PCDHGB2: variants seen among roughly 807,000 people sequenced by gnomAD.
PCDHGB2 encodes the protein protocadherin gamma subfamily B, 2, also known as protocadherin gamma-B2.
In PCDHGB2, 55 loss-of-function variants were observed where a neutral mutation model predicts 59.3. The ratio of observed to expected loss-of-function variants is 0.93; its 90% CI spans 0.75 to 1.16. PCDHGB2 has a LOEUF of 1.16. PCDHGB2 is among the 50% of genes most tolerant of loss of function. The pLI, the probability that PCDHGB2 is intolerant of heterozygous loss-of-function variation, is 0.00. For missense variants in PCDHGB2, 1,228 were observed against 1,198.5 expected (o/e 1.02, Z -0.36); for synonymous variants, 516 against 512.0 (o/e 1.01, Z -0.11).
At position 141,421,262 on chromosome 5, in the gene PCDHGB2, G is replaced by GGCT. The variant is rs748368476; in HGVS notation, c.2421+58720_2421+58722dup. 2.6e-5 allele frequency: 42 copies of GGCT among 1,609,594 alleles called. No homozygotes were observed. The Admixed American group carries it at 3.2e-4, about 12-fold the overall frequency. On this transcript the variant is annotated intron_variant, in intron 1 of 3. Coordinates refer to ENST00000522605, the MANE Select transcript of PCDHGB2 (RefSeq NM_018923.3). ...CGGCTACAGCGCGGGGACCGCAGTC[G>GGCT]GCTGCTGCTGCTGCTGTGCATTTTC...
Position 141,485,563 on chromosome 5 carries a change from C to T in PCDHGB2, c.2422-9244C>T, listed in dbSNP as rs746689576. The T allele has an allele frequency of 1.2e-5, 19 of 1,612,904 alleles. No homozygotes were observed. In the South Asian group the frequency reaches 1.6e-4, roughly 14 times the overall value. ...AGATCGTAGATGTGAATGATCACGCCCCCCGTTTTCCGCGGCAGCAGCTGG... is the reference window on the plus strand; with the variant it reads ...AGATCGTAGATGTGAATGATCACGCTCCCCGTTTTCCGCGGCAGCAGCTGG... On this transcript the variant is annotated intron_variant, in intron 1 of 3. Coordinates refer to ENST00000522605, the MANE Select transcript of PCDHGB2 (RefSeq NM_018923.3). This position sits in a 1 kb window ranked among gnomAD's most constrained non-coding sequence, Gnocchi z 5.7.
At chr5:141,404,107 T>C in intron 1 of PCDHGB2, 1 of 1,613,552 alleles carries the variant, frequency 6.2e-7, no homozygotes, top group Non-Finnish European at 8.5e-7. Flanking sequence ...TTGTCTGTTC[T>C]ATCCAGGAGA....
intron 1 of PCDHGB2, among the ~76,000 whole-genome samples, chr5:141,407,377 C>A (rs1436703926): frequency 6.6e-6 from 1 of 152,170 alleles, no homozygotes; most frequent in Non-Finnish European, 1.5e-5. Context: ...TCCATGAAGG[C>A]TTGTATGTCA....
intron 1 of PCDHGB2, among the ~76,000 whole-genome samples, chr5:141,405,668 G>A (rs1468042334): frequency 6.6e-6 from 1 of 152,100 alleles, no homozygotes; most frequent in Non-Finnish European, 1.5e-5. Context: ...AGTAGAGACG[G>A]GGTGTCACCA....
chr5:141,394,022 A>G (rs1210359800), intron 1 of PCDHGB2: 1 of 1,613,552 alleles, frequency 6.2e-7, no homozygotes, highest in South Asian at 1.1e-5. Flanking sequence ...ATTATTATAG[A>G]TTAGTGACAA....
At chr5:141,499,127 A>G (rs1198571084) in intron 2 of PCDHGB2, among the ~76,000 whole-genome samples, 1 of 152,134 alleles carries the variant, frequency 6.6e-6, no homozygotes, top group Non-Finnish European at 1.5e-5. Flanking sequence ...TTCTCAGGTC[A>G]TCCTTTGGGT....
At chr5:141,389,513 C>G (rs749432491) in intron 1 of PCDHGB2, 2 of 1,613,038 alleles carry the variant, frequency 1.2e-6, no homozygotes, top group African/African-American at 1.3e-5. Flanking sequence ...TCAGCGCGAA[C>G]GTGAGCCTGC....
intron 1 of PCDHGB2, among the ~76,000 whole-genome samples, chr5:141,438,625 TATATATATATACACACAC>T (rs1351180774): frequency 3.0e-4 from 14 of 46,412 alleles, no homozygotes; most frequent in Middle Eastern, 8.3e-3. Context: ...TATATATATA[TATATATATATACACACAC>T]ACACACACAT....
intron 1 of PCDHGB2, among the ~76,000 whole-genome samples, chr5:141,469,392 T>C (rs2099199760): frequency 6.6e-6 from 1 of 152,046 alleles, no homozygotes; most frequent in South Asian, 2.1e-4. Flanking sequence ...CTGGCCAACA[T>C]GGTGAAACCC....
chr5:141,376,095 T>A, intron 1 of PCDHGB2: 10 of 1,613,628 alleles, frequency 6.2e-6, no homozygotes, highest in Non-Finnish European at 8.5e-6. Flanking sequence ...ATCCCCGACA[T>A]CCTGGCCGAC....
intron 1 of PCDHGB2, chr5:141,394,240 C>G (rs1392586422): frequency 6.2e-7 from 1 of 1,613,822 alleles, no homozygotes; most frequent in African/African-American, 1.3e-5. Flanking sequence ...TCCTTGACTG[C>G]ACACGACCCC....
chr5:141,415,400 C>G (rs754292889), intron 1 of PCDHGB2: 3 of 1,614,110 alleles, frequency 1.9e-6, no homozygotes, highest in Non-Finnish European at 2.5e-6. Context: ...GTGTCCGGCT[C>G]GCACTTTGTG....
rs140609729 is a variant in PCDHGB2 at position 141,372,233 on chromosome 5, G to A, written c.2421+9677G>A. On this transcript the variant is annotated intron_variant, in intron 1 of 3. Coordinates refer to ENST00000522605, the MANE Select transcript of PCDHGB2 (RefSeq NM_018923.3). ...CCTACCACATTGTGCAGGCCAGCGA[G>A]CCCGGGCTGTTCAGCCTGGGCCTGC... 2,947 of 1,613,368 alleles carry A rather than the reference G, an allele frequency of 1.8e-3. 7 individuals carry two copies. The highest frequency in any genetic ancestry group is 2.3e-3 in the Non-Finnish European group (2,745 of 1,179,836).
In PCDHGB2 at chr5:141,477,073, G is replaced by A. The variant is rs755445666; in HGVS notation, c.2422-17734G>A. The A allele has an allele frequency of 1.2e-6, 2 of 1,614,264 alleles. No homozygotes were observed. The highest frequency in any genetic ancestry group is 2.2e-5 in the East Asian group (1 of 44,882). On this transcript the variant is annotated intron_variant, in intron 1 of 3. Coordinates refer to ENST00000522605, the MANE Select transcript of PCDHGB2 (RefSeq NM_018923.3). This position sits in a 1 kb window ranked among gnomAD's most constrained non-coding sequence, Gnocchi z 4.9. ...ACTTCGAGGACACCAAACTCCATGA[G>A]ATTTACATCCAGGCCAAAGACAAGG...
At position 141,459,716 on chromosome 5, in the gene PCDHGB2, C is replaced by T. The variant is rs1592633942; in HGVS notation, c.2422-35091C>T. On this transcript the variant is annotated intron_variant, in intron 1 of 3. Coordinates refer to ENST00000522605, the MANE Select transcript of PCDHGB2 (RefSeq NM_018923.3). ...CGCTTGCTACATTTTCTCACCAATG[C>T]TTCCTATTGTCAATTTTTTAAATTT... is the stretch of plus-strand genomic sequence containing the variant. Among the ~76,000 whole-genome samples the T allele has an allele frequency of 2.0e-5, 3 of 152,334 alleles. No homozygotes were observed. In the South Asian group the frequency reaches 6.2e-4, roughly 32 times the overall value.
At chr5:141,400,059 T>C (rs2093953035) in intron 1 of PCDHGB2, 2 of 1,613,750 alleles carry the variant, frequency 1.2e-6, no homozygotes, top group South Asian at 2.2e-5. Context: ...CTGTGCGTGA[T>C]GGTGGACAGC....
At position 141,490,502 on chromosome 5, in the gene PCDHGB2, T is replaced by C. The variant is rs1408615048; in HGVS notation, c.2422-4305T>C. On this transcript the variant is annotated intron_variant, in intron 1 of 3. Transcript: ENST00000522605. The surrounding 1 kb of genome is among the most constrained non-coding windows in gnomAD (Gnocchi z 5.4). Reference sequence around the variant, plus strand: ...GACCGGGAGGCCACATCCCACTATATCATCGAGCTGCTGGCCAGCGATGCT... The same window carrying C: ...GACCGGGAGGCCACATCCCACTATACCATCGAGCTGCTGGCCAGCGATGCT... 1.2e-6 allele frequency: 2 copies of C among 1,614,094 alleles called. No individual in the cohort carries two copies. The highest frequency in any genetic ancestry group is 1.1e-5 in the South Asian group (1 of 91,076).
In PCDHGB2 at chr5:141,490,081, T is replaced by A; in HGVS notation, c.2422-4726T>A. Reference sequence around the variant, plus strand: ...CACCAACGGCCAACTAGACTATTCTTTTGGAGACCACACATCTGAGGCAGT... The same window carrying A: ...CACCAACGGCCAACTAGACTATTCTATTGGAGACCACACATCTGAGGCAGT... On this transcript the variant is annotated intron_variant, in intron 1 of 3. Coordinates refer to ENST00000522605, the MANE Select transcript of PCDHGB2 (RefSeq NM_018923.3). The surrounding 1 kb of genome is among the most constrained non-coding windows in gnomAD (Gnocchi z 5.4). 3 of 1,614,216 alleles carry A rather than the reference T, an allele frequency of 1.9e-6. No homozygotes were observed. Among genetic ancestry groups the A allele is most frequent in the Non-Finnish European group, 2.5e-6 (3 of 1,180,040 alleles).
In PCDHGB2 at chr5:141,489,684, T is replaced by A; in HGVS notation, c.2422-5123T>A. 1 of 1,614,180 alleles carries A rather than the reference T, an allele frequency of 6.2e-7. No homozygotes were observed. Among genetic ancestry groups the A allele is most frequent in the South Asian group, 1.1e-5 (1 of 91,078 alleles). ...TGCGCATCTCAGAATCAGCAGCATC[T>A]GGGGCACGATTCCCACTGGACAGTG... On this transcript the variant is annotated intron_variant, in intron 1 of 3. Transcript: ENST00000522605. This position sits in a 1 kb window ranked among gnomAD's most constrained non-coding sequence, Gnocchi z 4.5.
Sources: gnomAD v4.1 joint callset for allele counts (sites outside exome capture counted in the v4.1 genomes callset) on GRCh38, gnomAD v4.1.1 for gene constraint, Gnocchi (gnomAD v3.1) non-coding constraint, MANE v1.5 for transcripts, NCBI Gene and HGNC (gene_info 2026-07-23, HGNC 2026-07-21) for gene names.